The following ERC1 variants were observed in gnomAD, a reference collection of about 807,000 sequenced individuals.
ERC1 encodes RAB6 interacting protein 2.
A neutral mutation model predicts 132.0 loss-of-function variants in ERC1; 56 were observed. That is an observed-to-expected ratio of 0.42 (90% CI 0.34 to 0.53). The LOEUF is 0.53. ERC1 is among the 20% of genes least tolerant of loss of function. The pLI is 0.03. For missense variants in ERC1, 1,202 were observed against 1,349.9 expected, an observed-to-expected ratio of 0.89 and a Z score of 1.72; for synonymous variants, 478 against 476.1, an observed-to-expected ratio of 1.00 and a Z score of -0.05.
chr12:1,405,017 C>G (rs1356399832), intron 16 of ERC1, among the ~76,000 whole-genome samples: 1 of 151,196 alleles, frequency 6.6e-6, no homozygotes, highest in Non-Finnish European at 1.5e-5. Context: ...GTGTGTGCCT[C>G]TAATCCGAGC....
chr12:1,343,463 G>A (rs2084116386), intron 15 of ERC1, among the ~76,000 whole-genome samples: 1 of 152,142 alleles, frequency 6.6e-6, no homozygotes, highest in African/African-American at 2.4e-5. Context: ...ATTCCTATGA[G>A]CTGCACCAGG....
At chr12:1,281,725 G>GA (rs1327973301) in intron 14 of ERC1, among the ~76,000 whole-genome samples, 3 of 152,098 alleles carry the variant, frequency 2.0e-5, no homozygotes, top group South Asian at 4.1e-4. Flanking sequence ...CTTAAAAATA[G>GA]AAAAAATGAA....
At chr12:1,304,117 G>A (rs1440981339) in intron 15 of ERC1, among the ~76,000 whole-genome samples, 1 of 152,036 alleles carries the variant, frequency 6.6e-6, no homozygotes, top group Non-Finnish European at 1.5e-5. Flanking sequence ...TTGGGAGAGA[G>A]GTATTTGTTG....
In ERC1 at chr12:1,281,752, A is replaced by G. The variant is rs188613999; in HGVS notation, c.2620-8100A>G. Among the ~76,000 whole-genome samples the G allele has an allele frequency of 3.8e-4, 58 of 152,316 alleles. 2 individuals carry two copies. The East Asian group carries it at 9.8e-3, about 26-fold the overall frequency. On this transcript the variant is annotated intron_variant, in intron 14 of 18. Transcript: ENST00000360905. ...AAAAATGAAATAATATTCTGCTGAA[A>G]AGATAGTTTGTTTTCAGGGCATTAA...
intron 12 of ERC1, among the ~76,000 whole-genome samples, chr12:1,231,355 T>G (rs1046599229): frequency 6.6e-6 from 1 of 152,200 alleles, no homozygotes; most frequent in Non-Finnish European, 1.5e-5. Context: ...ACTTTACATC[T>G]TTTTATATTT....
At chr12:1,382,405 G>A (rs1310544152) in intron 16 of ERC1, among the ~76,000 whole-genome samples, 2 of 152,198 alleles carry the variant, frequency 1.3e-5, no homozygotes, top group Admixed American at 1.3e-4. Flanking sequence ...TGTCAGATGC[G>A]AGCCCTGTGT....
intron 16 of ERC1, among the ~76,000 whole-genome samples, chr12:1,373,563 T>C (rs1049362204): frequency 2.0e-5 from 3 of 152,164 alleles, no homozygotes; most frequent in African/African-American, 4.8e-5. Flanking sequence ...GGGTGGATCA[T>C]GAGGTCAGGA....
rs572674144 is a variant in ERC1, at chr12:1,247,236, G to GA, written c.2487+10342dup. ...AGAGTGAGACCCTGTCTCAAAAAAA[G>GA]AAAAAAAAAATCCGGAAAGAAAGGA... On this transcript the variant is annotated intron_variant, in intron 13 of 18. Coordinates refer to ENST00000360905, the MANE Select transcript of ERC1 (RefSeq NM_178040.4). Among the ~76,000 whole-genome samples the GA allele has an allele frequency of 2.8e-3, 411 of 146,390 alleles. 2 individuals carry two copies. Among genetic ancestry groups the GA allele is most frequent in the African/African-American group, 9.1e-3 (364 of 39,882 alleles).
At chr12:1,408,765 A>G (rs893449281) in intron 17 of ERC1, among the ~76,000 whole-genome samples, 9 of 152,350 alleles carry the variant, frequency 5.9e-5, no homozygotes, top group African/African-American at 2.2e-4. Flanking sequence ...TGTCATGCTT[A>G]AGGAAAATTG....
At chr12:1,181,800 T>C (rs938046628) in intron 9 of ERC1, 125 bp from the exon 10 acceptor site, 2 of 932,146 alleles carry the variant, frequency 2.1e-6, no homozygotes, top group Non-Finnish European at 3.0e-6. Flanking sequence ...AAAAAAAAAG[T>C]GGATTCTTTA....
chr12:1,278,936 A>G (rs2078468489), intron 14 of ERC1, among the ~76,000 whole-genome samples: 1 of 152,140 alleles, frequency 6.6e-6, no homozygotes, highest in African/African-American at 2.4e-5. Flanking sequence ...GAAAGCAGAA[A>G]ACTTTATAAA....
chr12:1,406,866 C>T (rs1339269851), intron 16 of ERC1, among the ~76,000 whole-genome samples: 1 of 152,170 alleles, frequency 6.6e-6, no homozygotes, highest in African/African-American at 2.4e-5. Context: ...CAGAATGAGA[C>T]TCTCTCTAAA....
At chr12:1,100,980 C>T (rs891846239) in intron 3 of ERC1, among the ~76,000 whole-genome samples, 2 of 151,978 alleles carry the variant, frequency 1.3e-5, no homozygotes, top group African/African-American at 4.8e-5. Flanking sequence ...GGGTGCCATA[C>T]CTTGAAAGCC....
chr12:1,074,470 G>A (rs11609300), intron 2 of ERC1, among the ~76,000 whole-genome samples: 10,969 of 151,956 alleles, frequency 0.072, 694 homozygotes, highest in African/African-American at 0.17. Flanking sequence ...GCTAAGGTTC[G>A]TAGTTTTAGA....
chr12:1,367,188 A>G (rs2086743526), intron 15 of ERC1, among the ~76,000 whole-genome samples: 1 of 152,240 alleles, frequency 6.6e-6, no homozygotes, highest in Admixed American at 6.5e-5. Flanking sequence ...AAGGTAGCAG[A>G]ATCAAAGGTT....
chr12:1,024,739 GT>G (rs1378910379), intron 1 of ERC1, among the ~76,000 whole-genome samples: 3 of 149,628 alleles, frequency 2.0e-5, no homozygotes, highest in African/African-American at 7.4e-5. Context: ...AGTCTATAAA[GT>G]TGATAGCTAT....
At chr12:1,267,294 A>C (rs373389910) in intron 14 of ERC1, among the ~76,000 whole-genome samples, 1 of 152,328 alleles carries the variant, frequency 6.6e-6, no homozygotes, top group African/African-American at 2.4e-5. Flanking sequence ...TTCTCTGTTT[A>C]ACTTTTGGTG....
chr12:1,325,472 A>G (rs1051373492), intron 15 of ERC1, among the ~76,000 whole-genome samples: 2 of 152,220 alleles, frequency 1.3e-5, no homozygotes, highest in African/African-American at 4.8e-5. Flanking sequence ...CTGCTGTAAG[A>G]AAACAGTCCT....
intron 16 of ERC1, 94 bp downstream of exon 16, chr12:1,372,071 T>C: frequency 2.1e-6 from 3 of 1,397,716 alleles, no homozygotes; most frequent in Non-Finnish European, 1.9e-6. Context: ...AGGTCTCATG[T>C]TTCATATTAG....
Sources: allele counts gnomAD v4.1 joint callset (sites outside exome capture counted in the v4.1 genomes callset), GRCh38; gene constraint gnomAD v4.1.1; transcripts MANE v1.5; gene names NCBI Gene and HGNC (gene_info 2026-07-23, HGNC 2026-07-21).